The following PITPNC1 variants were observed in gnomAD, a reference collection of about 807,000 sequenced individuals.
The protein encoded by PITPNC1 is phosphatidylinositol transfer protein cytoplasmic 1, also known as cytoplasmic phosphatidylinositol transfer protein 1.
A neutral mutation model predicts 44.7 loss-of-function variants in PITPNC1; 18 were observed. That is an observed-to-expected ratio of 0.40 (90% CI 0.28 to 0.60). The LOEUF (loss-of-function observed/expected upper bound fraction) is 0.60. Ranked by LOEUF, PITPNC1 falls within the 20% of genes least tolerant of loss-of-function variation. The pLI, the probability that PITPNC1 is intolerant of heterozygous loss-of-function variation, is 0.39. For missense variants in PITPNC1, 290 were observed against 418.4 expected, an observed-to-expected ratio of 0.69 and a Z score of 2.68; for synonymous variants, 141 against 149.6, an observed-to-expected ratio of 0.94 and a Z score of 0.42.
rs547015148 is a variant in PITPNC1, at chr17:67,628,332, C to G, written c.367-3811C>G. 6.8e-4 allele frequency among the ~76,000 whole-genome samples: 103 copies of G among 152,112 alleles called. 1 individual carries two copies. Among genetic ancestry groups the G allele is most frequent in the Non-Finnish European group, 1.3e-4 (9 of 68,024 alleles). On this transcript the variant is annotated intron_variant, in intron 5 of 8. Coordinates refer to ENST00000581322, the MANE Select transcript of PITPNC1 (RefSeq NM_012417.4). ...AGGGCTATCTTTGTAGTCCCTCAAGCCCAGGGCAGCACTTTGTATGCAATG... is the reference window on the plus strand; with the variant it reads ...AGGGCTATCTTTGTAGTCCCTCAAGGCCAGGGCAGCACTTTGTATGCAATG...
chr17:67,405,110 G>C (rs1209667158), intron 1 of PITPNC1, among the ~76,000 whole-genome samples: 1 of 152,140 alleles, frequency 6.6e-6, no homozygotes, highest in Non-Finnish European at 1.5e-5. Flanking sequence ...AGCCAGGCAT[G>C]ATGGCGCACA....
At chr17:67,391,463 T>A (rs534397651) in intron 1 of PITPNC1, among the ~76,000 whole-genome samples, 93 of 152,116 alleles carry the variant, frequency 6.1e-4, no homozygotes, top group Admixed American at 2.3e-3. Flanking sequence ...ATGTTGAAAA[T>A]AACTAGTTTA....
rs1015359936 is a variant in PITPNC1, at chr17:67,567,214, G to A, written c.295-10972G>A. On this transcript the variant is annotated intron_variant, in intron 4 of 8. Transcript: ENST00000581322. Reference sequence around the variant, plus strand: ...AGAAATACCTGGACAGGCCAGGCGCGGTGGCTCACGCCTGTAATCCCAGCA... The same window carrying A: ...AGAAATACCTGGACAGGCCAGGCGCAGTGGCTCACGCCTGTAATCCCAGCA... Among the ~76,000 whole-genome samples, 6 of 152,138 alleles carry A rather than the reference G, an allele frequency of 3.9e-5. No homozygotes were observed. The East Asian group carries it at 5.8e-4, about 15-fold the overall frequency.
intron 1 of PITPNC1, 93 bp from the exon 2 acceptor site, chr17:67,532,709 G>A (rs1450932202): frequency 2.0e-6 from 2 of 983,800 alleles, no homozygotes; most frequent in African/African-American, 1.6e-5. Flanking sequence ...AGAAGGTGCT[G>A]ATGTTATTAG....
intron 1 of PITPNC1, among the ~76,000 whole-genome samples, chr17:67,383,176 T>C (rs2143780448): frequency 6.6e-6 from 1 of 151,982 alleles, no homozygotes; most frequent in East Asian, 1.9e-4. Context: ...TTTGTGTTTT[T>C]AGTAGAGATG....
intron 6 of PITPNC1, among the ~76,000 whole-genome samples, chr17:67,645,944 G>A (rs1485944043): frequency 1.3e-5 from 2 of 152,176 alleles, no homozygotes; most frequent in East Asian, 3.8e-4. Context: ...GGCCAACCTG[G>A]CAAAAGCCTG....
intron 1 of PITPNC1, among the ~76,000 whole-genome samples, chr17:67,476,800 CG>C (rs2039636597): frequency 6.6e-6 from 1 of 151,970 alleles, no homozygotes; most frequent in African/African-American, 2.4e-5. Flanking sequence ...TATGGATTAA[CG>C]GGGCCGGGCC....
chr17:67,559,348 A>G (rs1231013770), intron 4 of PITPNC1, among the ~76,000 whole-genome samples: 1 of 152,264 alleles, frequency 6.6e-6, no homozygotes, highest in East Asian at 1.9e-4. Context: ...ATGTAAGCTA[A>G]GAGGGTGAAA....
chr17:67,606,706 G>A (rs183998317), intron 5 of PITPNC1, among the ~76,000 whole-genome samples: 5 of 151,660 alleles, frequency 3.3e-5, no homozygotes, highest in African/African-American at 1.2e-4. Context: ...TGAAGCCAGC[G>A]AGGAAAGATT....
intron 5 of PITPNC1, among the ~76,000 whole-genome samples, chr17:67,596,570 G>A (rs2041462961): frequency 6.6e-6 from 1 of 152,058 alleles, no homozygotes; most frequent in Non-Finnish European, 1.5e-5. Flanking sequence ...GAGTGCAGTG[G>A]CCCGATCTCG....
At chr17:67,441,064 T>C (rs140713055) in intron 1 of PITPNC1, among the ~76,000 whole-genome samples, 7 of 152,298 alleles carry the variant, frequency 4.6e-5, no homozygotes, top group East Asian at 3.9e-4. Flanking sequence ...TTTTTAACTT[T>C]ACAGGACATA....
intron 1 of PITPNC1, among the ~76,000 whole-genome samples, chr17:67,405,369 A>G (rs986570043): frequency 6.6e-6 from 1 of 151,568 alleles, no homozygotes; most frequent in African/African-American, 2.4e-5. Context: ...GTGAGCTGTG[A>G]TTGTGCCACT....
chr17:67,546,628 T>A (rs1367481717), intron 2 of PITPNC1, among the ~76,000 whole-genome samples: 3 of 152,202 alleles, frequency 2.0e-5, no homozygotes, highest in African/African-American at 7.2e-5. Context: ...ATAACCCTGA[T>A]GCTGTCCAAG....
intron 1 of PITPNC1, among the ~76,000 whole-genome samples, chr17:67,389,659 G>GT (rs1050802440): frequency 1.3e-5 from 2 of 151,542 alleles, no homozygotes; most frequent in East Asian, 3.9e-4. Flanking sequence ...CAGTAAAGCT[G>GT]TTTTTTGTTT....
intron 1 of PITPNC1, among the ~76,000 whole-genome samples, chr17:67,501,371 G>A (rs2144069316): frequency 6.6e-6 from 1 of 152,188 alleles, no homozygotes; most frequent in South Asian, 2.1e-4. Flanking sequence ...TTACTTCTCA[G>A]CCATCGTCAT....
intron 8 of PITPNC1, among the ~76,000 whole-genome samples, chr17:67,678,419 C>CTG (rs1434707918): frequency 6.6e-6 from 1 of 152,208 alleles, no homozygotes; most frequent in Non-Finnish European, 1.5e-5. Flanking sequence ...CAAAACAACA[C>CTG]TGTGGGCTTT....
chr17:67,378,478 G>T (rs1254091793), intron 1 of PITPNC1, among the ~76,000 whole-genome samples: 5 of 152,110 alleles, frequency 3.3e-5, no homozygotes, highest in Non-Finnish European at 5.9e-5. Flanking sequence ...AAAGGGAGTG[G>T]GTGCGCCCCC....
chr17:67,588,553 C>T (rs1026434741), intron 5 of PITPNC1, among the ~76,000 whole-genome samples: 3 of 152,102 alleles, frequency 2.0e-5, no homozygotes, highest in African/African-American at 4.8e-5. Context: ...ATATGCTACA[C>T]GCCTGTTAGT....
chr17:67,643,231 C>G (rs1008718364), intron 6 of PITPNC1, among the ~76,000 whole-genome samples: 1 of 152,082 alleles, frequency 6.6e-6, no homozygotes, highest in African/African-American at 2.4e-5. Context: ...ACTAAAAATA[C>G]GAAAATTAGC....
Sources: gnomAD v4.1 joint callset for allele counts (sites outside exome capture counted in the v4.1 genomes callset) on GRCh38, gnomAD v4.1.1 for gene constraint, MANE v1.5 for transcripts, NCBI Gene and HGNC (gene_info 2026-07-23, HGNC 2026-07-21) for gene names.